The following MECOM variants were observed in gnomAD, a reference collection of about 807,000 sequenced individuals.
The protein encoded by MECOM is MDS1 and EVI1 complex locus.
A neutral mutation model predicts 116.3 loss-of-function variants in MECOM; 13 were observed. The ratio of observed to expected loss-of-function variants is 0.11; its 90% CI spans 0.07 to 0.18. MECOM has a LOEUF of 0.18. MECOM is among the 10% of genes least tolerant of loss of function. The probability of loss-of-function intolerance (pLI) is 1.00; values close to 1 mark genes in which losing one functional copy is unlikely to be tolerated. For synonymous variants in MECOM, 528 were observed against 535.2 expected (o/e 0.99, Z 0.19); for missense variants, 1,299 against 1,509.0 (o/e 0.86, Z 2.31).
chr3:169,437,952 G>T (rs1055423600), intron 1 of MECOM, among the ~76,000 whole-genome samples: 1 of 152,158 alleles, frequency 6.6e-6, no homozygotes, highest in African/African-American at 2.4e-5. Context: ...ATGGCTCCAG[G>T]AAAGTATACG....
chr3:169,225,278 C>T (rs1752603842), intron 2 of MECOM, among the ~76,000 whole-genome samples: 1 of 152,120 alleles, frequency 6.6e-6, no homozygotes, highest in Non-Finnish European at 1.5e-5. Flanking sequence ...TTCAATATCC[C>T]ATAGTCTATT....
At chr3:169,171,731 C>T (rs1744434000) in intron 2 of MECOM, among the ~76,000 whole-genome samples, 1 of 151,940 alleles carries the variant, frequency 6.6e-6, no homozygotes, top group South Asian at 2.1e-4. Flanking sequence ...AGCTATTCCT[C>T]AACTATTGTA....
intron 12 of MECOM, among the ~76,000 whole-genome samples, chr3:169,098,312 T>C (rs1464669169): frequency 6.6e-6 from 1 of 152,234 alleles, no homozygotes; most frequent in African/African-American, 2.4e-5. Flanking sequence ...CTACAGTCTC[T>C]AACAGTTCCT....
chr3:169,128,483 C>T (rs1253550122), intron 4 of MECOM, among the ~76,000 whole-genome samples: 2 of 152,150 alleles, frequency 1.3e-5, no homozygotes, highest in Admixed American at 6.5e-5. Context: ...CAAATGTAAA[C>T]AGTCAGGGAG....
chr3:169,248,503 A>C (rs539834572), intron 2 of MECOM, among the ~76,000 whole-genome samples: 1 of 152,294 alleles, frequency 6.6e-6, no homozygotes, highest in East Asian at 1.9e-4. Context: ...CTGTTCTAGG[A>C]ATACCCTTTT....
chr3:169,354,845 G>T (rs944906580), intron 2 of MECOM, among the ~76,000 whole-genome samples: 2 of 151,772 alleles, frequency 1.3e-5, no homozygotes, highest in Non-Finnish European at 2.9e-5. Flanking sequence ...AGCCCCAGGA[G>T]ACACACAATT....
chr3:169,185,237 G>T (rs1746546934), intron 2 of MECOM, among the ~76,000 whole-genome samples: 1 of 152,164 alleles, frequency 6.6e-6, no homozygotes, highest in Non-Finnish European at 1.5e-5. Flanking sequence ...TGAAGGTGCT[G>T]AAGTGTGGAC....
intron 2 of MECOM, among the ~76,000 whole-genome samples, chr3:169,309,002 G>A (rs1178596975): frequency 2.0e-5 from 3 of 152,178 alleles, no homozygotes; most frequent in African/African-American, 7.2e-5. Context: ...GCTGATCACA[G>A]GGTACAGGTG....
chr3:169,385,752 T>C (rs1340758259), intron 1 of MECOM, among the ~76,000 whole-genome samples: 2 of 152,170 alleles, frequency 1.3e-5, no homozygotes, highest in Admixed American at 1.3e-4. Context: ...TAAATCTCTG[T>C]TATTGGGGAA....
chr3:169,572,961 A>G (rs1405916323), intron 1 of MECOM, among the ~76,000 whole-genome samples: 1 of 152,006 alleles, frequency 6.6e-6, no homozygotes, highest in African/African-American at 2.4e-5. Context: ...CATGTATCCC[A>G]GAACTTAAAG....
In MECOM at chr3:169,615,282, T is replaced by C. The variant is rs570694918; in HGVS notation, c.37+48054A>G. Among the ~76,000 whole-genome samples the C allele has an allele frequency of 5.3e-5, 8 of 152,334 alleles. No individual in the cohort carries two copies. The South Asian group carries it at 1.7e-3, about 32-fold the overall frequency. ...TAACACAAGAACCCTGTCTTATTCA[T>C]CACAGTATCACCCACAGGGGCTGAG... On this transcript the variant is annotated intron_variant, in intron 1 of 16. Transcript: ENST00000651503.
chr3:169,204,359 C>A (rs1749622483), intron 2 of MECOM, among the ~76,000 whole-genome samples: 1 of 152,132 alleles, frequency 6.6e-6, no homozygotes, highest in African/African-American at 2.4e-5. Context: ...CTGATTTAGA[C>A]AATAGCCCCA....
At chr3:169,416,668 A>C (rs1201118466) in intron 1 of MECOM, among the ~76,000 whole-genome samples, 1 of 152,214 alleles carries the variant, frequency 6.6e-6, no homozygotes, top group Non-Finnish European at 1.5e-5. Flanking sequence ...GAGACAAATC[A>C]AATAGGCACA....
chr3:169,246,904 A>G (rs1330192078), intron 2 of MECOM, among the ~76,000 whole-genome samples: 2 of 152,324 alleles, frequency 1.3e-5, no homozygotes, highest in South Asian at 2.1e-4. Context: ...ATATCATTCT[A>G]TGAAAGACAA....
intron 1 of MECOM, among the ~76,000 whole-genome samples, chr3:169,584,522 G>A (rs1225922240): frequency 8.7e-5 from 13 of 148,914 alleles, no homozygotes; most frequent in South Asian, 2.1e-4. Flanking sequence ...CAGAGATGGC[G>A]CCGCTGCACT....
intron 1 of MECOM, among the ~76,000 whole-genome samples, chr3:169,649,567 C>T (rs1158512801): frequency 2.6e-5 from 4 of 151,998 alleles, no homozygotes; most frequent in Non-Finnish European, 2.9e-5. Context: ...TGTCAAATGT[C>T]GGTGTTCAAT....
chr3:169,550,854 C>T (rs1211716975), intron 1 of MECOM, among the ~76,000 whole-genome samples: 1 of 119,436 alleles, frequency 8.4e-6, no homozygotes, highest in Non-Finnish European at 1.7e-5. Context: ...GACGGAGTCT[C>T]GCTCTGTCGC....
rs74652176 is a variant in MECOM at position 169,590,613 on chromosome 3, G to A, written c.37+72723C>T. 6.4e-3 allele frequency among the ~76,000 whole-genome samples: 978 copies of A among 152,262 alleles called. 21 individuals carry two copies. The East Asian group carries it at 0.075, about 12-fold the overall frequency. On this transcript the variant is annotated intron_variant, in intron 1 of 16. Transcript: ENST00000651503. The stretch of plus-strand genomic sequence containing the variant: ...TGTTGTATGTCAGGCACCATGCTAG[G>A]TACTTCTATATGCATATTTCATTTA...
At chr3:169,324,360 G>A (rs1424847069) in intron 2 of MECOM, among the ~76,000 whole-genome samples, 1 of 152,192 alleles carries the variant, frequency 6.6e-6, no homozygotes, top group Non-Finnish European at 1.5e-5. Flanking sequence ...ATGAGAACGG[G>A]AGATACACAC....
Sources: gnomAD v4.1 joint callset for allele counts (sites outside exome capture counted in the v4.1 genomes callset) on GRCh38, gnomAD v4.1.1 for gene constraint, MANE v1.5 for transcripts, NCBI Gene and HGNC (gene_info 2026-07-23, HGNC 2026-07-21) for gene names.